KAZN: variants seen among roughly 807,000 people sequenced by gnomAD.
The protein encoded by KAZN is kazrin, periplakin interacting protein.
In KAZN, 40 loss-of-function variants were observed where a neutral mutation model predicts 87.4. The observed-to-expected ratio is 0.46, with a 90% CI of 0.36 to 0.60. The LOEUF (loss-of-function observed/expected upper bound fraction) is 0.60. Among genes scored for constraint, KAZN ranks in the 20% least tolerant of loss-of-function variants. The pLI, the probability that KAZN is intolerant of heterozygous loss-of-function variation, is 0.00. For synonymous variants in KAZN, 466 were observed against 458.3 expected (o/e 1.02, Z -0.22); for missense variants, 898 against 1,073.9 (o/e 0.84, Z 2.29).
At chr1:14,677,794 C>A (rs1640321377) in intron 1 of KAZN, among the ~76,000 whole-genome samples, 1 of 152,160 alleles carries the variant, frequency 6.6e-6, no homozygotes, top group South Asian at 2.1e-4. Flanking sequence ...ACCAGTATAT[C>A]AAAAAGCTGC....
chr1:14,925,648 A>G (rs1269586500), intron 1 of KAZN, among the ~76,000 whole-genome samples: 2 of 152,178 alleles, frequency 1.3e-5, no homozygotes, highest in Non-Finnish European at 2.9e-5. Context: ...TACCTCTCCC[A>G]GGCAGCAAGC....
chr1:14,967,511 T>A lies in KAZN; in HGVS notation c.418+6636T>A, dbSNP rs75306469. Among the ~76,000 whole-genome samples the A allele has an allele frequency of 4.1e-3, 625 of 152,254 alleles. 2 individuals are homozygous for A. The highest frequency in any genetic ancestry group is 0.015 in the African/African-American group (604 of 41,546). ...CAGCCTAATTCCTGGGACTTGTGAA[T>A]GAGTTAGGTCACACGGCAAAGGGGA... On this transcript the variant is annotated intron_variant, in intron 2 of 14. Transcript: ENST00000376030.
intron 1 of KAZN, among the ~76,000 whole-genome samples, chr1:14,088,631 A>T (rs1557465590): frequency 6.6e-6 from 1 of 152,000 alleles, no homozygotes; most frequent in Non-Finnish European, 1.5e-5. Context: ...ATGGTCTATA[A>T]ACATTGGTTA....
At position 15,066,469 on chromosome 1, in the gene KAZN, G is replaced by A; in HGVS notation, c.1222+716G>A. ...CAAAGACTCGCGAGCCGGGCCAAGGGGCCTTGTCTTGGCTGGGTTTGTCAG... is the reference window on the plus strand; with the variant it reads ...CAAAGACTCGCGAGCCGGGCCAAGGAGCCTTGTCTTGGCTGGGTTTGTCAG... On this transcript the variant is annotated intron_variant, in intron 8 of 14. Coordinates refer to ENST00000376030, the MANE Select transcript of KAZN (RefSeq NM_201628.3). The surrounding 1 kb of genome is among the most constrained non-coding windows in gnomAD (Gnocchi z 4.3). 1 of 985,332 alleles carries A rather than the reference G, an allele frequency of 1.0e-6. No homozygotes were observed. Among genetic ancestry groups the A allele is most frequent in the South Asian group, 4.7e-5 (1 of 21,282 alleles). 61.0% of individuals were successfully genotyped at this position (985,332 alleles called of 1,614,324 possible). A position where few individuals can be genotyped will look rare whatever the true frequency, so the allele number is the denominator to read the frequency against.
intron 1 of KAZN, among the ~76,000 whole-genome samples, chr1:14,028,168 G>T (rs917914710): frequency 4.7e-5 from 7 of 148,634 alleles, no homozygotes; most frequent in African/African-American, 1.8e-4. Context: ...AAGCTTTGGG[G>T]TGCAGCTCTT....
chr1:14,531,265 G>A lies in KAZN; in HGVS notation c.250-67718G>A, dbSNP rs1056538955. Among the ~76,000 whole-genome samples, 5 of 152,274 alleles carry A rather than the reference G, an allele frequency of 3.3e-5. No homozygotes were observed. In the South Asian group the frequency reaches 1.0e-3, roughly 32 times the overall value. ...GATCCAAGCAAATCTATCTTGAGCT[G>A]AACTTTTCCCAGTCCGCCAAAGATC... On this transcript the variant is annotated intron_variant, in intron 2 of 16. Coordinates refer to the KAZN transcript ENST00000636203.
intron 2 of KAZN, among the ~76,000 whole-genome samples, chr1:14,968,007 G>T (rs1664639026): frequency 6.6e-6 from 1 of 152,088 alleles, no homozygotes; most frequent in Non-Finnish European, 1.5e-5. Context: ...GTTGGGGGAT[G>T]GTTTTGGGAT....
At position 14,599,118 on chromosome 1, in the gene KAZN, A is replaced by AGCG. The variant is rs765568561; in HGVS notation, c.133_135dup (p.Gly45dup). On this transcript the variant is annotated inframe_insertion, in exon 1 of 15. Transcript: ENST00000376030. The surrounding 1 kb of genome is among the most constrained non-coding windows in gnomAD (Gnocchi z 4.4). Reference sequence around the variant, plus strand: ...CACCAACCGGAGACTGGCGGAACTGAGCGGCGGCGGCGGCCCCGGCCCGGG... The same window carrying AGCG: ...CACCAACCGGAGACTGGCGGAACTGAGCGGCGGCGGCGGCGGCCCCGGCCCGGG... 24 of 1,531,860 alleles carry AGCG rather than the reference A, an allele frequency of 1.6e-5. No individual in the cohort carries two copies. Among genetic ancestry groups the AGCG allele is most frequent in the South Asian group, 1.5e-4 (12 of 80,810 alleles). 94.9% of individuals were successfully genotyped at this position (1,531,860 alleles called of 1,614,324 possible).
chr1:15,068,663 T>C (rs928273834), intron 8 of KAZN, among the ~76,000 whole-genome samples: 3 of 151,908 alleles, frequency 2.0e-5, no homozygotes, highest in Non-Finnish European at 4.4e-5. Context: ...AGGCTTTTCC[T>C]AGCCCCAAGA....
intron 1 of KAZN, among the ~76,000 whole-genome samples, chr1:14,959,705 C>G (rs1572924295): frequency 6.6e-6 from 1 of 152,170 alleles, no homozygotes; most frequent in South Asian, 2.1e-4. Context: ...CAGAGGTACA[C>G]GTAGCCTGGC....
In KAZN at chr1:14,996,485, G is replaced by A. The variant is rs1667874411; in HGVS notation, c.418+35610G>A. ...CTACAGTGGGTGCCCCAGGAATGTAGGGGGGATGGACGCCATGCTGAGAAA... is the reference window on the plus strand; with the variant it reads ...CTACAGTGGGTGCCCCAGGAATGTAAGGGGGATGGACGCCATGCTGAGAAA... On this transcript the variant is annotated intron_variant, in intron 2 of 14. Coordinates refer to ENST00000376030, the MANE Select transcript of KAZN (RefSeq NM_201628.3). The surrounding 1 kb of genome is among the most constrained non-coding windows in gnomAD (Gnocchi z 5.9). 6.6e-6 allele frequency among the ~76,000 whole-genome samples: 1 copy of A among 152,152 alleles called. No homozygotes were observed. Among genetic ancestry groups the A allele is most frequent in the Admixed American group, 6.5e-5 (1 of 15,286 alleles).
rs1430129619 is a variant in KAZN, at chr1:15,077,409, G to A, written c.1222+11656G>A. Among the ~76,000 whole-genome samples the A allele has an allele frequency of 2.6e-5, 4 of 152,180 alleles. No individual in the cohort carries two copies. In the East Asian group the frequency reaches 7.7e-4, roughly 29 times the overall value. ...TCCACTCCCTGACGGCCAGGCAGCA[G>A]GGCTCCACGCTTGTTTCTCAACCCA... is the stretch of plus-strand genomic sequence containing the variant. On this transcript the variant is annotated intron_variant, in intron 8 of 14. Coordinates refer to ENST00000376030, the MANE Select transcript of KAZN (RefSeq NM_201628.3). The surrounding 1 kb of genome is among the most constrained non-coding windows in gnomAD (Gnocchi z 4.8).
At chr1:14,212,870 T>C (rs1646884214) in intron 2 of KAZN, among the ~76,000 whole-genome samples, 1 of 152,212 alleles carries the variant, frequency 6.6e-6, no homozygotes, top group Non-Finnish European at 1.5e-5. Flanking sequence ...TTTTATGCAA[T>C]GCAAATACAT....
At chr1:13,942,561 A>G (rs1449563567) in intron 1 of KAZN, among the ~76,000 whole-genome samples, 3 of 144,604 alleles carry the variant, frequency 2.1e-5, no homozygotes, top group Non-Finnish European at 4.6e-5. Flanking sequence ...AAAAAAAAAA[A>G]AAAAAAAAAA....
chr1:15,037,008 C>T (rs778425409), intron 3 of KAZN, among the ~76,000 whole-genome samples: 5 of 152,184 alleles, frequency 3.3e-5, no homozygotes, highest in Non-Finnish European at 7.4e-5. Flanking sequence ...TACGGGCCTT[C>T]CCCCTGTGCA....
chr1:14,804,749 G>T (rs1646150261), intron 1 of KAZN, among the ~76,000 whole-genome samples: 1 of 151,546 alleles, frequency 6.6e-6, no homozygotes, highest in African/African-American at 2.4e-5. Flanking sequence ...ACACCACAGA[G>T]ACTCTGGCAG....
At chr1:14,421,962 A>G (rs1665457514) in intron 2 of KAZN, among the ~76,000 whole-genome samples, 1 of 152,168 alleles carries the variant, frequency 6.6e-6, no homozygotes, top group East Asian at 1.9e-4. Context: ...CCAACAGTGC[A>G]TGGGCTCATC....
intron 2 of KAZN, among the ~76,000 whole-genome samples, chr1:15,019,827 G>A (rs899309835): frequency 6.6e-6 from 1 of 152,210 alleles, no homozygotes; most frequent in African/African-American, 2.4e-5. Flanking sequence ...GACTACGGCT[G>A]TTACTGTGGT....
At chr1:14,504,543 C>T (rs1032664093) in intron 2 of KAZN, among the ~76,000 whole-genome samples, 1 of 152,154 alleles carries the variant, frequency 6.6e-6, no homozygotes, top group Non-Finnish European at 1.5e-5. Context: ...GGAGTGGAAG[C>T]AGCTGATACG....
Sources: gnomAD v4.1 joint callset for allele counts (sites outside exome capture counted in the v4.1 genomes callset) on GRCh38, gnomAD v4.1.1 for gene constraint, Gnocchi (gnomAD v3.1) non-coding constraint, MANE v1.5 for transcripts, NCBI Gene and HGNC (gene_info 2026-07-23, HGNC 2026-07-21) for gene names.